ADCY2: variants seen among roughly 807,000 people sequenced by gnomAD.
The protein encoded by ADCY2 is adenylate cyclase 2.
ADCY2 carries 31 observed loss-of-function variants against 125.2 expected under a neutral mutation model. The observed-to-expected ratio is 0.25, with a 90% CI of 0.19 to 0.33. The LOEUF (loss-of-function observed/expected upper bound fraction) is 0.33. Among genes scored for constraint, ADCY2 ranks in the 10% least tolerant of loss-of-function variants. The pLI is 1.00. For synonymous variants in ADCY2, 512 were observed against 548.4 expected, an observed-to-expected ratio of 0.93 and a Z score of 0.93; for missense variants, 904 against 1,418.2, an observed-to-expected ratio of 0.64 and a Z score of 5.82.
intron 3 of ADCY2, among the ~76,000 whole-genome samples, chr5:7,555,099 T>C (rs1735462276): frequency 6.6e-6 from 1 of 152,208 alleles, no homozygotes; most frequent in Non-Finnish European, 1.5e-5. Flanking sequence ...TGTCCCTTTC[T>C]ATATTTGAAC....
chr5:7,707,541 G>A (rs1741302484), intron 8 of ADCY2, among the ~76,000 whole-genome samples, 165 bp from the exon 9 acceptor site: 1 of 152,218 alleles, frequency 6.6e-6, no homozygotes, highest in Non-Finnish European at 1.5e-5. Context: ...CGACCTCTAA[G>A]AGCATCTTTC....
intron 4 of ADCY2, among the ~76,000 whole-genome samples, chr5:7,680,893 A>G (rs1189939882): frequency 1.3e-5 from 2 of 152,222 alleles, no homozygotes; most frequent in African/African-American, 4.8e-5. Flanking sequence ...CCTGAAAGAA[A>G]ATCTGCATTC....
chr5:7,566,503 GAGAA>G (rs1226300701), intron 3 of ADCY2, among the ~76,000 whole-genome samples: 2 of 152,038 alleles, frequency 1.3e-5, no homozygotes, highest in Non-Finnish European at 1.5e-5. Context: ...TCTCTAAAAA[GAGAA>G]AGAGAGAGAG....
chr5:7,649,905 C>G (rs1394551824), intron 4 of ADCY2, among the ~76,000 whole-genome samples: 1 of 152,084 alleles, frequency 6.6e-6, no homozygotes, highest in Admixed American at 6.5e-5. Flanking sequence ...CTAGGAGGAG[C>G]CATACTGGAC....
At chr5:7,551,233 T>C (rs1478198399) in intron 3 of ADCY2, among the ~76,000 whole-genome samples, 2 of 152,190 alleles carry the variant, frequency 1.3e-5, no homozygotes, top group Non-Finnish European at 2.9e-5. Context: ...TCTAAAAATC[T>C]TATTTGGGGT....
chr5:7,572,947 A>G (rs1215815744), intron 3 of ADCY2, among the ~76,000 whole-genome samples: 1 of 152,114 alleles, frequency 6.6e-6, no homozygotes, highest in East Asian at 1.9e-4. Context: ...TTACAGAAGT[A>G]ATTAAGGTTA....
At chr5:7,713,991 T>C (rs1343622776) in intron 11 of ADCY2, among the ~76,000 whole-genome samples, 1 of 152,218 alleles carries the variant, frequency 6.6e-6, no homozygotes, top group Non-Finnish European at 1.5e-5. Context: ...AGGATCCTTC[T>C]AAGTGACCGT....
chr5:7,821,413 A>G (rs187388426), intron 24 of ADCY2, among the ~76,000 whole-genome samples: 1 of 152,362 alleles, frequency 6.6e-6, no homozygotes, highest in African/African-American at 2.4e-5. Flanking sequence ...ACAAAAGAGC[A>G]GTGGTTCTGC....
At chr5:7,623,930 A>G (rs1738038202) in intron 3 of ADCY2, among the ~76,000 whole-genome samples, 1 of 152,222 alleles carries the variant, frequency 6.6e-6, no homozygotes, top group Non-Finnish European at 1.5e-5. Context: ...TTAATTATCC[A>G]TACTAATGTG....
chr5:7,574,095 A>G (rs992134435), intron 3 of ADCY2, among the ~76,000 whole-genome samples: 2 of 116,430 alleles, frequency 1.7e-5, no homozygotes, highest in African/African-American at 5.8e-5. Context: ...TGAACTCATC[A>G]TTTTTTATGG....
intron 2 of ADCY2, among the ~76,000 whole-genome samples, chr5:7,424,839 T>G (rs2126359590): frequency 6.6e-6 from 1 of 152,360 alleles, no homozygotes; most frequent in East Asian, 1.9e-4. Flanking sequence ...TAAAGAGATT[T>G]ATTATACATA....
chr5:7,584,156 T>G (rs1736538675), intron 3 of ADCY2, among the ~76,000 whole-genome samples: 1 of 152,078 alleles, frequency 6.6e-6, no homozygotes, highest in African/African-American at 2.4e-5. Context: ...TGTCAAAAAT[T>G]ATTAAATGGT....
chr5:7,698,416 G>T, intron 7 of ADCY2, 42 bp downstream of exon 7: 1 of 1,609,552 alleles, frequency 6.2e-7, no homozygotes, highest in Non-Finnish European at 8.5e-7. Flanking sequence ...TATGCTTTAA[G>T]TTCTGGGGTA....
At chr5:7,734,541 T>C (rs1485285775) in intron 14 of ADCY2, among the ~76,000 whole-genome samples, 2 of 152,204 alleles carry the variant, frequency 1.3e-5, no homozygotes, top group Admixed American at 6.5e-5. Flanking sequence ...GAGGTTGTTT[T>C]TCAGTAAGTA....
intron 4 of ADCY2, among the ~76,000 whole-genome samples, chr5:7,635,000 AG>A (rs1738445301): frequency 6.6e-6 from 1 of 152,166 alleles, no homozygotes; most frequent in African/African-American, 2.4e-5. Context: ...GGAGGGCCTG[AG>A]AAAAATGTTC....
chr5:7,507,805 C>G (rs1017319033), intron 2 of ADCY2, among the ~76,000 whole-genome samples: 2 of 152,068 alleles, frequency 1.3e-5, no homozygotes, highest in African/African-American at 4.8e-5. Flanking sequence ...GTTCCATTAA[C>G]CTTCAGGGAT....
Position 7,597,273 on chromosome 5 carries a change from G to T in ADCY2, c.571-28894G>T, listed in dbSNP as rs958589736. Among the ~76,000 whole-genome samples, 10 of 152,342 alleles carry T rather than the reference G, an allele frequency of 6.6e-5. No individual in the cohort carries two copies. The East Asian group carries it at 1.9e-3, about 29-fold the overall frequency. On this transcript the variant is annotated intron_variant, in intron 3 of 24. Transcript: ENST00000338316. ...GGTTTGGGCTGGATTCAAAGCAAACGTTCTAGCCAGTGCAGGCAGAAGCTG... is the reference window on the plus strand; with the variant it reads ...GGTTTGGGCTGGATTCAAAGCAAACTTTCTAGCCAGTGCAGGCAGAAGCTG...
At position 7,820,548 on chromosome 5, in the gene ADCY2, A is replaced by G; in HGVS notation, c.2999-17A>G. 6.2e-7 allele frequency: 1 copy of G among 1,613,300 alleles called. No individual in the cohort carries two copies. Among genetic ancestry groups the G allele is most frequent in the Non-Finnish European group, 8.5e-7 (1 of 1,179,502 alleles). On this transcript the variant is annotated splice_polypyrimidine_tract_variant and intron_variant, in intron 23 of 24. Transcript: ENST00000338316. ...TTATAAGATGAATCTTGCTAACTCAACTCTGATGTGGCACAGGTATTAACC... is the reference window on the plus strand; with the variant it reads ...TTATAAGATGAATCTTGCTAACTCAGCTCTGATGTGGCACAGGTATTAACC...
At chr5:7,749,001 T>C (rs1241530448) in intron 15 of ADCY2, among the ~76,000 whole-genome samples, 1 of 152,194 alleles carries the variant, frequency 6.6e-6, no homozygotes, top group Admixed American at 6.5e-5. Context: ...GGTGCCAGGC[T>C]GTGTGTGGGG....
Sources: allele counts gnomAD v4.1 joint callset (sites outside exome capture counted in the v4.1 genomes callset), GRCh38; gene constraint gnomAD v4.1.1; transcripts MANE v1.5; gene names NCBI Gene and HGNC (gene_info 2026-07-23, HGNC 2026-07-21).